The following RPH3A variants were observed in gnomAD, a reference collection of about 807,000 sequenced individuals.
RPH3A encodes the protein rabphilin 3A, also known as rabphilin-3A.
In RPH3A, 48 loss-of-function variants were observed where a neutral mutation model predicts 102.2. The ratio of observed to expected loss-of-function variants is 0.47; its 90% CI spans 0.37 to 0.60. The LOEUF is 0.60. Ranked by LOEUF, RPH3A falls within the 20% of genes least tolerant of loss-of-function variation. RPH3A has a pLI of 0.00. For missense variants in RPH3A, 781 were observed against 910.1 expected (o/e 0.86, Z 1.83); for synonymous variants, 310 against 324.3 (o/e 0.96, Z 0.47).
intron 1 of RPH3A, among the ~76,000 whole-genome samples, chr12:112,578,896 T>A (rs1407039469): frequency 6.6e-6 from 1 of 152,218 alleles, no homozygotes; most frequent in Non-Finnish European, 1.5e-5. Context: ...TTACAGGTTC[T>A]ATGTTACTGT....
upstream of RPH3A, among the ~76,000 whole-genome samples, chr12:112,789,887 CAAAAAA>C (rs144494791): frequency 5.7e-5 from 4 of 70,786 alleles, no homozygotes; most frequent in East Asian, 3.8e-4. Context: ...CCCATCTCTG[CAAAAAA>C]AAAAAAAAAA....
At chr12:112,750,301 T>C (rs1364340155) in intron 1 of RPH3A, among the ~76,000 whole-genome samples, 1 of 152,124 alleles carries the variant, frequency 6.6e-6, no homozygotes, top group Non-Finnish European at 1.5e-5. Flanking sequence ...TTATTGGGAA[T>C]GTGGTCCCAG....
intron 3 of RPH3A, chr12:112,831,622 G>A: frequency 3.8e-6 from 1 of 260,380 alleles, no homozygotes; most frequent in South Asian, 3.7e-5. Flanking sequence ...CCTGAATCTT[G>A]GTGCTTCTTG....
rs577006932 is a variant in RPH3A at position 112,630,254 on chromosome 12, A to G, written c.-140+54935A>G. Among the ~76,000 whole-genome samples the G allele has an allele frequency of 7.7e-4, 117 of 152,132 alleles. 2 individuals are homozygous for G. The South Asian group carries it at 0.024, about 32-fold the overall frequency. ...GGTAGTATTGAGATGCTTTTCCCATATCTTATCAACTCCTTGAAACTCACA... is the reference window on the plus strand; with the variant it reads ...GGTAGTATTGAGATGCTTTTCCCATGTCTTATCAACTCCTTGAAACTCACA... On this transcript the variant is annotated intron_variant, in intron 1 of 21. Transcript: ENST00000543106.
At chr12:112,859,613 A>C (rs934237758) in intron 5 of RPH3A, among the ~76,000 whole-genome samples, 2 of 152,196 alleles carry the variant, frequency 1.3e-5, no homozygotes, top group African/African-American at 2.4e-5. Context: ...CACCCTGTTC[A>C]CAATCCTGCA....
At chr12:112,590,179 T>C (rs1359009475) in intron 1 of RPH3A, among the ~76,000 whole-genome samples, 1 of 152,214 alleles carries the variant, frequency 6.6e-6, no homozygotes, top group East Asian at 1.9e-4. Context: ...ATGACACTGA[T>C]TTCTTCTTCT....
intron 1 of RPH3A, among the ~76,000 whole-genome samples, chr12:112,585,008 C>T (rs867391176): frequency 2.6e-5 from 4 of 152,206 alleles, no homozygotes; most frequent in South Asian, 2.1e-4. Flanking sequence ...AGCCTTCAGT[C>T]AGCGGTCAAA....
At chr12:112,593,061 G>A (rs1230060572) in intron 1 of RPH3A, among the ~76,000 whole-genome samples, 2 of 152,204 alleles carry the variant, frequency 1.3e-5, no homozygotes, top group Non-Finnish European at 2.9e-5. Flanking sequence ...GTGAGGGGAT[G>A]GGGCTTTGGG....
rs544205894 is a variant in RPH3A, at chr12:112,883,865, A to G, written c.1436+463A>G. On this transcript the variant is annotated intron_variant, in intron 16 of 21. Transcript: ENST00000389385. ...CATTAGAAGTAATGGATATATATAT[A>G]TATCCACTTTTATTTATCCAGTTTT... Among the ~76,000 whole-genome samples, 26 of 77,486 alleles carry G rather than the reference A, an allele frequency of 3.4e-4. No individual in the cohort carries two copies. In the East Asian group the frequency reaches 0.015, roughly 45 times the overall value. 50.8% of individuals were successfully genotyped at this position (77,486 alleles called of 152,430 possible).
chr12:112,661,927 G>A (rs1180985929), intron 1 of RPH3A, among the ~76,000 whole-genome samples: 1 of 152,056 alleles, frequency 6.6e-6, no homozygotes, highest in Non-Finnish European at 1.5e-5. Flanking sequence ...TGCACCTGAG[G>A]TGCAGCTGTA....
intron 4 of RPH3A, among the ~76,000 whole-genome samples, chr12:112,844,965 C>T (rs928740169): frequency 2.0e-5 from 3 of 152,188 alleles, no homozygotes; most frequent in Non-Finnish European, 4.4e-5. Flanking sequence ...TGGCTGGGGG[C>T]CTCAGTTCCC....
At chr12:112,866,316 T>C (rs560899126) in intron 6 of RPH3A, among the ~76,000 whole-genome samples, 28 of 152,328 alleles carry the variant, frequency 1.8e-4, no homozygotes, top group East Asian at 5.8e-4. Context: ...AAAAATACAG[T>C]ATTTCATCAC....
chr12:112,771,233 T>G (rs1763391366), intron 1 of RPH3A, among the ~76,000 whole-genome samples: 1 of 152,236 alleles, frequency 6.6e-6, no homozygotes, highest in Admixed American at 6.5e-5. Context: ...ATTTTTTAAT[T>G]ATGGAAAAAT....
At chr12:112,894,492 C>G (rs915894890) in intron 19 of RPH3A, 86 bp from the exon 20 acceptor site, 9 of 1,133,204 alleles carry the variant, frequency 7.9e-6, no homozygotes, top group Non-Finnish European at 9.1e-6. Flanking sequence ...ATCAATTCAC[C>G]CTGATAAAGA....
chr12:112,812,183 C>T (rs1033649477), intron 2 of RPH3A, among the ~76,000 whole-genome samples: 2 of 152,152 alleles, frequency 1.3e-5, no homozygotes, highest in Non-Finnish European at 2.9e-5. Flanking sequence ...AATATGCTGA[C>T]TGGTGAGGCC....
intron 1 of RPH3A, among the ~76,000 whole-genome samples, chr12:112,587,653 A>G (rs947919778): frequency 2.0e-5 from 3 of 152,022 alleles, no homozygotes; most frequent in Non-Finnish European, 4.4e-5. Context: ...TATCTCATTT[A>G]TGACTTCCTG....
At chr12:112,818,144 CA>C (rs111677573) in intron 2 of RPH3A, among the ~76,000 whole-genome samples, 4,302 of 151,576 alleles carry the variant, frequency 0.028, 199 homozygotes, top group African/African-American at 0.098. Flanking sequence ...ACTAAAAATA[CA>C]AAAAATTAGC....
At chr12:112,749,937 G>T (rs2040775142) in intron 1 of RPH3A, among the ~76,000 whole-genome samples, 1 of 152,104 alleles carries the variant, frequency 6.6e-6, no homozygotes, top group Non-Finnish European at 1.5e-5. Flanking sequence ...CCAGATGTCT[G>T]TATCTGCAGG....
At chr12:112,734,042 A>G (rs2040651959) in intron 1 of RPH3A, among the ~76,000 whole-genome samples, 1 of 152,178 alleles carries the variant, frequency 6.6e-6, no homozygotes, top group Non-Finnish European at 1.5e-5. Flanking sequence ...TATTCTCATT[A>G]TACAGATGAA....
Sources: allele counts gnomAD v4.1 joint callset (sites outside exome capture counted in the v4.1 genomes callset), GRCh38; gene constraint gnomAD v4.1.1; transcripts MANE v1.5; gene names NCBI Gene and HGNC (gene_info 2026-07-23, HGNC 2026-07-21).